The following DYNC1H1 variants were observed in gnomAD, a reference collection of about 807,000 sequenced individuals.
DYNC1H1 encodes cytoplasmic dynein 1 heavy chain 1.
Under a neutral mutation model 527.1 loss-of-function variants are expected in DYNC1H1, and 51 were observed. That is an observed-to-expected ratio of 0.10 (90% CI 0.08 to 0.12). The LOEUF (loss-of-function observed/expected upper bound fraction) is 0.12, where lower values mean the gene tolerates loss of function less well. Ranked by LOEUF, DYNC1H1 falls within the 10% of genes least tolerant of loss-of-function variation. The pLI, the probability that DYNC1H1 is intolerant of heterozygous loss-of-function variation, is 1.00. For missense variants in DYNC1H1, 2,771 were observed against 5,971.8 expected, an observed-to-expected ratio of 0.46 and a Z score of 17.66; for synonymous variants, 2,189 against 2,278.8, an observed-to-expected ratio of 0.96 and a Z score of 1.12.
chr14:101,996,973 A>G, intron 15 of DYNC1H1, 62 bp from the exon 16 acceptor site: 1 of 1,561,452 alleles, frequency 6.4e-7, no homozygotes, highest in Non-Finnish European at 8.7e-7. Context: ...ATGGGGCTCT[A>G]ATTAATAATT....
chr14:102,004,161 G>A (rs1362745791), intron 23 of DYNC1H1, among the ~76,000 whole-genome samples: 2 of 148,814 alleles, frequency 1.3e-5, no homozygotes, highest in African/African-American at 2.5e-5. Context: ...GGAGAATGGC[G>A]TGAACCCGGG....
intron 57 of DYNC1H1, chr14:102,037,147 C>T (rs2048586038): frequency 5.6e-6 from 1 of 177,920 alleles, no homozygotes; most frequent in Admixed American, 5.5e-5. Flanking sequence ...AAGAAACAGC[C>T]AGGCGTGGTG....
chr14:101,969,198 T>A lies in DYNC1H1; in HGVS notation c.256+4251T>A, dbSNP rs1044913201. On this transcript the variant is annotated intron_variant, in intron 1 of 77. Transcript: ENST00000360184. ...ACACCTGGTTAATTTTTTTTTTTTTTTTTAGTAGAGACGGGGTTTCACCGT... is the reference window on the plus strand; with the variant it reads ...ACACCTGGTTAATTTTTTTTTTTTTATTTAGTAGAGACGGGGTTTCACCGT... 1.6e-3 allele frequency among the ~76,000 whole-genome samples: 238 copies of A among 151,806 alleles called. 3 individuals are homozygous for A. Among genetic ancestry groups the A allele is most frequent in the African/African-American group, 5.3e-3 (221 of 41,410 alleles).
In DYNC1H1 at chr14:101,989,058, G is replaced by A. The variant is rs370373802; in HGVS notation, c.2868+206G>A. On this transcript the variant is annotated intron_variant, in intron 10 of 77. Coordinates refer to ENST00000360184, the MANE Select transcript of DYNC1H1 (RefSeq NM_001376.5). ...GATGGGAAGGGCAGGTCACCTCTGC[G>A]CTCTTTCTCCAAAATCCCTCACTCT... Among the ~76,000 whole-genome samples, 11 of 152,260 alleles carry A rather than the reference G, an allele frequency of 7.2e-5. No individual in the cohort carries two copies. The East Asian group carries it at 1.2e-3, about 16-fold the overall frequency.
At chr14:102,014,699 G>A (rs2048299884) in intron 34 of DYNC1H1, among the ~76,000 whole-genome samples, 1 of 152,188 alleles carries the variant, frequency 6.6e-6, no homozygotes. Flanking sequence ...CTTAAACAAG[G>A]TGGTTTGCCC....
At chr14:101,999,050 T>A (rs1191344962) in intron 16 of DYNC1H1, among the ~76,000 whole-genome samples, 1 of 151,716 alleles carries the variant, frequency 6.6e-6, no homozygotes, top group Non-Finnish European at 1.5e-5. Flanking sequence ...CCTGGCTAAT[T>A]GTTTGTATTT....
intron 23 of DYNC1H1, among the ~76,000 whole-genome samples, chr14:102,003,464 G>C (rs1226950424): frequency 6.6e-6 from 1 of 152,058 alleles, no homozygotes; most frequent in African/African-American, 2.4e-5. Flanking sequence ...TTTTCGCCAT[G>C]TTGGTCAGAC....
intron 42 of DYNC1H1, among the ~76,000 whole-genome samples, chr14:102,021,583 CCT>C (rs2048384302): frequency 6.6e-6 from 1 of 152,020 alleles, no homozygotes; most frequent in Non-Finnish European, 1.5e-5. Flanking sequence ...CACAGTCTCG[CCT>C]GCTTGCCTTG....
rs2048848753 is a variant in DYNC1H1, at chr14:102,053,776, T to C, written c.*3213T>C. 6.9e-6 allele frequency: 1 copy of C among 145,360 alleles called. No homozygotes were observed. The highest frequency in any genetic ancestry group is 1.5e-5 in the Non-Finnish European group (1 of 67,148). The allele number at this position is 145,360 out of a possible 1,614,324, so 9.0% of individuals were successfully genotyped here. A position where few individuals can be genotyped will look rare whatever the true frequency, so the allele number is the denominator to read the frequency against. ...GTTTTTTTTTTTTTTTGAGACAGTCTGGCTCTGTCACTGAGGCTGGAGTGC... is the reference window on the plus strand; with the variant it reads ...GTTTTTTTTTTTTTTTGAGACAGTCCGGCTCTGTCACTGAGGCTGGAGTGC... On this transcript the variant is annotated 3_prime_UTR_variant, in exon 78 of 78. Coordinates refer to ENST00000360184, the MANE Select transcript of DYNC1H1 (RefSeq NM_001376.5).
intron 2 of DYNC1H1, among the ~76,000 whole-genome samples, chr14:101,978,753 A>G (rs548639071): frequency 1.3e-5 from 2 of 152,376 alleles, no homozygotes; most frequent in South Asian, 4.1e-4. Flanking sequence ...GGGGAAGCCC[A>G]CAGAAGAGGT....
rs930973743 is a variant in DYNC1H1, at chr14:102,047,397, C to T, written c.13007-420C>T. The stretch of plus-strand genomic sequence containing the variant: ...AAAATACAAGAAAAAATTAGCCAGG[C>T]GCGGTGCCACATGCCTGTAATCCCA... On this transcript the variant is annotated intron_variant, in intron 72 of 77. Transcript: ENST00000360184. Among the ~76,000 whole-genome samples, 6 of 151,782 alleles carry T rather than the reference C, an allele frequency of 4.0e-5. No individual in the cohort carries two copies. The East Asian group carries it at 9.7e-4, about 25-fold the overall frequency.
rs1180039826 is a variant in DYNC1H1, at chr14:102,047,981, A to G, written c.13171A>G (p.Ile4391Val). 2.5e-6 allele frequency: 4 copies of G among 1,612,514 alleles called. No homozygotes were observed. The highest frequency in any genetic ancestry group is 3.4e-6 in the Non-Finnish European group (4 of 1,179,988). ...CACCGCGTCCAACTGGCTGCACCTC[A>G]TCCCCCAGACGCTGAGCCACCTCAA... Reference protein sequence around the residue: ...HTTASNWLHLIPQTLSHLKRT... With the variant: ...HTTASNWLHLVPQTLSHLKRT... The change falls in exon 73 of 78, where the codon ATC (isoleucine) becomes GTC (valine). Residue 4391 changes from isoleucine (I) to valine (V), a missense_variant. Coordinates refer to ENST00000360184, the MANE Select transcript of DYNC1H1 (RefSeq NM_001376.5).
rs1229685139 is a variant in DYNC1H1 at position 101,979,692 on chromosome 14, A to G, written c.519-27A>G. On this transcript the variant is annotated intron_variant, in intron 3 of 77. Transcript: ENST00000360184. This position sits in a 1 kb window ranked among gnomAD's most constrained non-coding sequence, Gnocchi z 4.6. The stretch of plus-strand genomic sequence containing the variant: ...TCTTTGGAGACCAATAGCACACTAA[A>G]TGTTGAGGTATGAAATCTGTTTTTA... 5 of 1,613,560 alleles carry G rather than the reference A, an allele frequency of 3.1e-6. No individual in the cohort carries two copies. The highest frequency in any genetic ancestry group is 4.2e-6 in the Non-Finnish European group (5 of 1,180,036).
intron 29 of DYNC1H1, 45 bp downstream of exon 29, chr14:102,008,382 A>G: frequency 1.2e-6 from 2 of 1,608,452 alleles, no homozygotes; most frequent in Non-Finnish European, 1.7e-6. Context: ...ATGTAGAGGG[A>G]AATTCCCTAG....
chr14:102,047,639 G>GTATATATATA lies in DYNC1H1; in HGVS notation c.13007-177_13007-176insATATATATAT, dbSNP rs1287359925. The GTATATATATA allele has an allele frequency of 5.4e-4, 190 of 351,980 alleles. 2 individuals are homozygous for GTATATATATA. The highest frequency in any genetic ancestry group is 5.2e-3 in the African/African-American group (109 of 20,952). The allele number at this position is 351,980 out of a possible 1,614,324, so 21.8% of individuals were successfully genotyped here. A position where few individuals can be genotyped will look rare whatever the true frequency, so the allele number is the denominator to read the frequency against. On this transcript the variant is annotated intron_variant, in intron 72 of 77. Coordinates refer to ENST00000360184, the MANE Select transcript of DYNC1H1 (RefSeq NM_001376.5). ...TATACACGTGTGTGTGTGTGTGTGT[G>GTATATATATA]TGTATATATATATATATATATATAT...
Position 101,994,319 on chromosome 14 carries a change from G to A in DYNC1H1, c.3151G>A (p.Val1051Ile). The change falls in exon 12 of 78, where the codon GTC (valine) becomes ATC (isoleucine). Residue 1051 changes from valine (V) to isoleucine (I), a missense_variant. Val to Ile is a conservative substitution (Grantham distance 29). Coordinates refer to ENST00000360184, the MANE Select transcript of DYNC1H1 (RefSeq NM_001376.5). ...MGIVSEVEQY[V>I]KVWLQYQCLW... ...CATTGTATCTGAAGTTGAACAGTAT[G>A]TCAAGGTAAGAAACTCCTAATTTCA... The A allele has an allele frequency of 6.2e-7, 1 of 1,614,162 alleles. No individual in the cohort carries two copies. Among genetic ancestry groups the A allele is most frequent in the Non-Finnish European group, 8.5e-7 (1 of 1,180,034 alleles).
chr14:101,998,248 C>G (rs2048087064), intron 16 of DYNC1H1, among the ~76,000 whole-genome samples: 1 of 149,854 alleles, frequency 6.7e-6, no homozygotes, highest in Non-Finnish European at 1.5e-5. Context: ...AATACAAACG[C>G]CTGGACCCCT....
Position 102,029,697 on chromosome 14 carries a change from A to G in DYNC1H1, c.9627A>G (p.Lys3209=). 2.5e-6 allele frequency: 4 copies of G among 1,614,230 alleles called. No individual in the cohort carries two copies. The highest frequency in any genetic ancestry group is 3.4e-6 in the Non-Finnish European group (4 of 1,180,044). ...MHLNVGLRKI[K]ETVDQVEELR... is the part of the protein sequence containing the mutation. Reference sequence around the variant, plus strand: ...TGAACGTGGGGCTCAGGAAGATCAAAGAGACAGTCGACCAGGTGCGTCACA... The same window carrying G: ...TGAACGTGGGGCTCAGGAAGATCAAGGAGACAGTCGACCAGGTGCGTCACA... The change falls in exon 49 of 78, where the codon AAA becomes AAG. Residue 3209 remains lysine (K), a synonymous_variant. Transcript: ENST00000360184. The surrounding 1 kb of genome is among the most constrained non-coding windows in gnomAD (Gnocchi z 5.3).
At chr14:101,995,431 G>A in intron 15 of DYNC1H1, 131 bp downstream of exon 15, 1 of 1,163,504 alleles carries the variant, frequency 8.6e-7, no homozygotes, top group Non-Finnish European at 1.3e-6. Context: ...CTAACACGGT[G>A]AAATGCTGTC....
Sources: allele counts gnomAD v4.1 joint callset (sites outside exome capture counted in the v4.1 genomes callset), GRCh38; gene constraint gnomAD v4.1.1; non-coding constraint Gnocchi (gnomAD v3.1); transcripts MANE v1.5; gene names NCBI Gene and HGNC (gene_info 2026-07-23, HGNC 2026-07-21).